Variants in CLN8 observed in about 807,000 individuals in gnomAD.
CLN8 encodes protein CLN8.
Under a neutral mutation model 15.7 loss-of-function variants are expected in CLN8, and 14 were observed. The observed-to-expected ratio is 0.89, with a 90% CI of 0.59 to 1.39. CLN8 has a LOEUF of 1.39. Ranked by LOEUF, CLN8 falls within the 40% of genes most tolerant of loss-of-function variation. The pLI, the probability that CLN8 is intolerant of heterozygous loss-of-function variation, is 0.00. For missense variants in CLN8, 415 were observed against 364.0 expected, an observed-to-expected ratio of 1.14 and a Z score of -1.14; for synonymous variants, 188 against 151.0, an observed-to-expected ratio of 1.25 and a Z score of -1.80.
chr8:1,761,627 G>A (rs1331143929), upstream of CLN8, among the ~76,000 whole-genome samples: 1 of 152,150 alleles, frequency 6.6e-6, no homozygotes, highest in Non-Finnish European at 1.5e-5. Context: ...GCCCAGCCCT[G>A]GAGTTCAGAG....
rs2130989588 is a variant in CLN8, at chr8:1,770,979, A to G, written c.-76A>G. ...TCCCAGGGACCGCTGCACTGACTTC[A>G]TTTCCTTAGACAAGACACAGTGTAG... On this transcript the variant is annotated 5_prime_UTR_variant, in exon 2 of 3. Transcript: ENST00000331222. The G allele has an allele frequency of 7.1e-7, 1 of 1,411,102 alleles. No individual in the cohort carries two copies. Among genetic ancestry groups the G allele is most frequent in the Non-Finnish European group, 1.0e-6 (1 of 1,000,656 alleles). 87.4% of individuals were successfully genotyped at this position (1,411,102 alleles called of 1,614,324 possible).
chr8:1,766,722 A>T (rs564619289), intron 1 of CLN8, among the ~76,000 whole-genome samples: 28 of 152,202 alleles, frequency 1.8e-4, no homozygotes, highest in African/African-American at 6.8e-4. Flanking sequence ...CATGGAAGGA[A>T]CAGTGACTTC....
intron 1 of CLN8, among the ~76,000 whole-genome samples, chr8:1,757,586 A>G (rs555735463): frequency 6.6e-6 from 1 of 152,276 alleles, no homozygotes; most frequent in African/African-American, 2.4e-5. Context: ...AATTACAGGC[A>G]TGTGCCACGA....
chr8:1,756,317 A>G (rs1327245269), intron 1 of CLN8, among the ~76,000 whole-genome samples: 1 of 152,050 alleles, frequency 6.6e-6, no homozygotes, highest in Non-Finnish European at 1.5e-5. Context: ...CCCCGTCTGT[A>G]CTAAAAAAAT....
At chr8:1,776,589 A>T (rs1801526550) in intron 2 of CLN8, among the ~76,000 whole-genome samples, 1 of 152,246 alleles carries the variant, frequency 6.6e-6, no homozygotes, top group Non-Finnish European at 1.5e-5. Context: ...TTGTGTAGCG[A>T]TGCTGCAGTC....
At chr8:1,776,641 G>C (rs909405964) in intron 2 of CLN8, among the ~76,000 whole-genome samples, 1 of 152,216 alleles carries the variant, frequency 6.6e-6, no homozygotes, top group Non-Finnish European at 1.5e-5. Context: ...TTTGGTTTTT[G>C]TCAGCTCTTT....
intron 2 of CLN8, among the ~76,000 whole-genome samples, chr8:1,778,200 C>G (rs1373166808): frequency 6.6e-6 from 1 of 152,242 alleles, no homozygotes; most frequent in African/African-American, 2.4e-5. Flanking sequence ...ATGTCAGGGA[C>G]TGCCCCAGGC....
upstream of CLN8, chr8:1,762,311 G>A (rs1177014271): frequency 6.6e-6 from 1 of 152,206 alleles, no homozygotes; most frequent in South Asian, 2.1e-4. Flanking sequence ...AGCCTCCTGA[G>A]TAGCTGAGAT....
At chr8:1,773,216 G>A (rs1801383561) in intron 2 of CLN8, among the ~76,000 whole-genome samples, 2 of 152,138 alleles carry the variant, frequency 1.3e-5, no homozygotes, top group South Asian at 2.1e-4. Flanking sequence ...CCCCAGATGC[G>A]GACCCTCTGC....
chr8:1,776,753 G>C (rs1184369839), intron 2 of CLN8, among the ~76,000 whole-genome samples: 1 of 152,218 alleles, frequency 6.6e-6, no homozygotes, highest in East Asian at 1.9e-4. Flanking sequence ...ATAGGTCTGT[G>C]CCTGACTGCA....
chr8:1,757,125 A>G (rs1216254735), intron 1 of CLN8, among the ~76,000 whole-genome samples: 1 of 152,150 alleles, frequency 6.6e-6, no homozygotes, highest in Admixed American at 6.5e-5. Context: ...CCCTCTCTCT[A>G]CAGTTTTAGT....
At chr8:1,773,072 G>C (rs543577536) in intron 2 of CLN8, 1 of 396,810 alleles carries the variant, frequency 2.5e-6, no homozygotes, top group Admixed American at 4.4e-5. Context: ...GACACCAGCC[G>C]GGTGTCAGAT....
chr8:1,776,583 G>A (rs142895032), intron 2 of CLN8, among the ~76,000 whole-genome samples: 6 of 152,384 alleles, frequency 3.9e-5, no homozygotes, highest in Admixed American at 2.6e-4. Flanking sequence ...GCACGTTTGT[G>A]TAGCGATGCT....
intron 1 of CLN8, chr8:1,758,723 A>AT (rs1348867233): frequency 6.6e-6 from 1 of 152,178 alleles, no homozygotes; most frequent in Non-Finnish European, 1.5e-5. Flanking sequence ...GGATTCAACG[A>AT]TTTTCTGATG....
upstream of CLN8, chr8:1,758,827 G>T (rs754390314): frequency 6.6e-6 from 1 of 152,130 alleles, no homozygotes; most frequent in Non-Finnish European, 1.5e-5. Context: ...GGAGACCAAG[G>T]TTTTTTATCT....
At chr8:1,756,471 G>A (rs1800672334) in intron 1 of CLN8, among the ~76,000 whole-genome samples, 1 of 131,222 alleles carries the variant, frequency 7.6e-6, no homozygotes, top group African/African-American at 3.0e-5. Context: ...GTGACAGAGT[G>A]AGAATCCATC....
At chr8:1,753,165 C>T (rs1173710579), upstream of CLN8, among the ~76,000 whole-genome samples, 1 of 152,180 alleles carries the variant, frequency 6.6e-6, no homozygotes, top group Admixed American at 6.5e-5. Flanking sequence ...TGGTACGTGG[C>T]AAGGTGTGCA....
rs370471193 is a variant in CLN8, at chr8:1,771,614, G to T, written c.543+17G>T. On this transcript the variant is annotated intron_variant, in intron 2 of 2. Coordinates refer to ENST00000331222, the MANE Select transcript of CLN8 (RefSeq NM_018941.4). The stretch of plus-strand genomic sequence containing the variant: ...CTCTTAAAGGTAAGTGCATGCATCA[G>T]CAGAAGATGACATGTGCCTCACGCA... 7 of 1,610,066 alleles carry T rather than the reference G, an allele frequency of 4.3e-6. No homozygotes were observed. In the African/African-American group the frequency reaches 5.3e-5, roughly 12 times the overall value.
At chr8:1,754,583 T>G (rs1247708707), upstream of CLN8, among the ~76,000 whole-genome samples, 2 of 152,228 alleles carry the variant, frequency 1.3e-5, no homozygotes, top group Non-Finnish European at 2.9e-5. Context: ...TCTGAGAGTA[T>G]AGCAGTGATA....
Sources: allele counts gnomAD v4.1 joint callset (sites outside exome capture counted in the v4.1 genomes callset), GRCh38; gene constraint gnomAD v4.1.1; transcripts MANE v1.5; gene names NCBI Gene and HGNC (gene_info 2026-07-23, HGNC 2026-07-21).